Variants in METTL15 observed in about 807,000 individuals in gnomAD.
METTL15 encodes 12S rRNA N(4)-cytidine methyltransferase METTL15.
In METTL15, 34 loss-of-function variants were observed where a neutral mutation model predicts 38.3. The observed-to-expected ratio is 0.89, with a 90% confidence interval of 0.68 to 1.18. METTL15 has a LOEUF of 1.18. METTL15 is among the 50% of genes most tolerant of loss of function. The pLI is 0.00. For missense variants in METTL15, 438 were observed against 498.4 expected (o/e 0.88, Z 1.15); for synonymous variants, 162 against 170.9 (o/e 0.95, Z 0.41).
intron 3 of METTL15, among the ~76,000 whole-genome samples, chr11:28,193,455 T>C (rs1219442756): frequency 6.6e-6 from 1 of 152,016 alleles, no homozygotes; most frequent in Non-Finnish European, 1.5e-5. Flanking sequence ...GTAAGAACTC[T>C]TATCATGAGA....
chr11:28,216,711 C>G (rs1197241073), intron 4 of METTL15, among the ~76,000 whole-genome samples: 1 of 110,060 alleles, frequency 9.1e-6, no homozygotes, highest in Non-Finnish European at 1.8e-5. Flanking sequence ...TCCCTCCCCC[C>G]TCCCCCCACC....
intron 5 of METTL15, among the ~76,000 whole-genome samples, chr11:28,383,279 G>A (rs1850407804): frequency 6.6e-6 from 1 of 152,076 alleles, no homozygotes; most frequent in Admixed American, 6.6e-5. Flanking sequence ...CATCCATGTT[G>A]CTGCAAAGAA....
chr11:28,111,021 C>G (rs1015704677), intron 2 of METTL15, among the ~76,000 whole-genome samples: 1 of 152,106 alleles, frequency 6.6e-6, no homozygotes, highest in Non-Finnish European at 1.5e-5. Flanking sequence ...GGAAACTGGG[C>G]TCCAAAAGAG....
At chr11:28,349,386 C>G (rs527537062) in intron 3 of METTL15, among the ~76,000 whole-genome samples, 5 of 152,276 alleles carry the variant, frequency 3.3e-5, no homozygotes, top group African/African-American at 9.6e-5. Flanking sequence ...CTTTTCCGGC[C>G]TCACACAGGG....
At chr11:28,355,518 A>G (rs551831882) in intron 4 of METTL15, among the ~76,000 whole-genome samples, 1 of 152,324 alleles carries the variant, frequency 6.6e-6, no homozygotes, top group Admixed American at 6.5e-5. Context: ...GTATCCATGA[A>G]TTCCATATCC....
chr11:28,352,589 C>T (rs1850051329), intron 4 of METTL15, among the ~76,000 whole-genome samples: 1 of 152,108 alleles, frequency 6.6e-6, no homozygotes, highest in Non-Finnish European at 1.5e-5. Flanking sequence ...TATATACATT[C>T]CTCTTCCTCT....
At chr11:28,451,773 C>T (rs1015920481) in intron 6 of METTL15, among the ~76,000 whole-genome samples, 18 of 152,296 alleles carry the variant, frequency 1.2e-4, no homozygotes, top group African/African-American at 4.1e-4. Flanking sequence ...TGACGTTAGC[C>T]AAGATCCCTT....
intron 6 of METTL15, among the ~76,000 whole-genome samples, chr11:28,489,961 G>C (rs74453584): frequency 1.3e-5 from 2 of 151,990 alleles, no homozygotes; most frequent in East Asian, 3.9e-4. Context: ...CTGTTCCTGC[G>C]TTTTCCTCCA....
At chr11:28,456,172 A>AT (rs34142480) in intron 6 of METTL15, among the ~76,000 whole-genome samples, 9 of 148,908 alleles carry the variant, frequency 6.0e-5, no homozygotes, top group Non-Finnish European at 9.1e-5. Context: ...TGCCTGGCTA[A>AT]TTTTTAAAAA....
intron 4 of METTL15, among the ~76,000 whole-genome samples, chr11:28,246,325 A>G (rs1676900817): frequency 6.6e-6 from 1 of 152,146 alleles, no homozygotes; most frequent in African/African-American, 2.4e-5. Flanking sequence ...ATAAAAAATT[A>G]TTTATCCTTT....
chr11:28,212,796 G>A (rs753212844), intron 4 of METTL15, among the ~76,000 whole-genome samples: 3 of 152,066 alleles, frequency 2.0e-5, no homozygotes, highest in Non-Finnish European at 4.4e-5. Context: ...GATAAGGAGG[G>A]CCAGTCATAC....
chr11:28,292,507 C>T (rs898947202), intron 5 of METTL15, among the ~76,000 whole-genome samples: 1 of 151,978 alleles, frequency 6.6e-6, no homozygotes, highest in Non-Finnish European at 1.5e-5. Context: ...TGAATAGTGC[C>T]TCAATAAACA....
intron 4 of METTL15, among the ~76,000 whole-genome samples, chr11:28,246,031 T>C (rs1854495290): frequency 6.6e-6 from 1 of 152,024 alleles, no homozygotes. Context: ...GAGAATAAAA[T>C]AAAAATATTA....
At chr11:28,404,866 C>T (rs189360612) in intron 5 of METTL15, among the ~76,000 whole-genome samples, 7 of 152,150 alleles carry the variant, frequency 4.6e-5, no homozygotes, top group African/African-American at 1.2e-4. Context: ...TGAATAATGA[C>T]CCATCTTCCT....
intron 3 of METTL15, among the ~76,000 whole-genome samples, chr11:28,157,442 G>GC (rs1850301313): frequency 1.3e-5 from 2 of 152,300 alleles, no homozygotes; most frequent in Admixed American, 6.5e-5. Context: ...CCTTTGGCAG[G>GC]CCCCCCATAG....
intron 4 of METTL15, among the ~76,000 whole-genome samples, chr11:28,249,050 C>A (rs1004508332): frequency 3.0e-4 from 46 of 151,918 alleles, no homozygotes; most frequent in African/African-American, 1.1e-3. Context: ...ACCATCCTTT[C>A]CTAGAAATCT....
At chr11:28,442,209 T>C (rs1851040708) in intron 6 of METTL15, among the ~76,000 whole-genome samples, 1 of 152,186 alleles carries the variant, frequency 6.6e-6, no homozygotes, top group South Asian at 2.1e-4. Flanking sequence ...ATGCACTGAC[T>C]ATAGAAAGAT....
At chr11:28,283,212 A>T (rs1484622055) in intron 4 of METTL15, among the ~76,000 whole-genome samples, 1 of 152,156 alleles carries the variant, frequency 6.6e-6, no homozygotes, top group Non-Finnish European at 1.5e-5. Context: ...TTTCTTGAAA[A>T]TTTGTGAACA....
chr11:28,269,179 A>G (rs187039927), intron 4 of METTL15, among the ~76,000 whole-genome samples: 84 of 152,256 alleles, frequency 5.5e-4, no homozygotes, highest in Non-Finnish European at 9.7e-4. Context: ...CAGAGTAGCT[A>G]TTTATTCTAC....
Sources: gnomAD v4.1 joint callset for allele counts (sites outside exome capture counted in the v4.1 genomes callset) on GRCh38, gnomAD v4.1.1 for gene constraint, MANE v1.5 for transcripts, NCBI Gene and HGNC (gene_info 2026-07-23, HGNC 2026-07-21) for gene names.